Variants in DRAM1 observed in about 807,000 individuals in gnomAD.
DRAM1 encodes DNA damage regulated autophagy modulator 1.
Under a neutral mutation model 28.5 loss-of-function variants are expected in DRAM1, and 25 were observed. That is an observed-to-expected ratio of 0.88 (90% CI 0.64 to 1.23). The LOEUF (loss-of-function observed/expected upper bound fraction) is 1.23. DRAM1 is among the 50% of genes most tolerant of loss of function. The pLI, the probability that DRAM1 is intolerant of heterozygous loss-of-function variation, is 0.00. For synonymous variants in DRAM1, 113 were observed against 114.2 expected (o/e 0.99, Z 0.07); for missense variants, 249 against 299.2 (o/e 0.83, Z 1.24).
intron 1 of DRAM1, among the ~76,000 whole-genome samples, chr12:101,881,259 G>A (rs1455593055): frequency 6.6e-6 from 1 of 152,178 alleles, no homozygotes; most frequent in Non-Finnish European, 1.5e-5. Flanking sequence ...CAGTCTGGGT[G>A]ACTGAGTGAG....
At chr12:101,900,241 T>A (rs1478575268) in intron 2 of DRAM1, among the ~76,000 whole-genome samples, 3 of 152,204 alleles carry the variant, frequency 2.0e-5, no homozygotes, top group Admixed American at 6.5e-5. Context: ...CAATTGCAAT[T>A]TAATAGACAT....
chr12:101,895,103 G>A (rs1162939089), intron 1 of DRAM1, among the ~76,000 whole-genome samples: 1 of 151,384 alleles, frequency 6.6e-6, no homozygotes, highest in Non-Finnish European at 1.5e-5. Flanking sequence ...TGCTCAGAAG[G>A]GCATCCTCCA....
At chr12:101,914,412 G>A (rs6539020) in intron 5 of DRAM1, among the ~76,000 whole-genome samples, 180 bp downstream of exon 5, 10,884 of 151,946 alleles carry the variant, frequency 0.072, 471 homozygotes, top group East Asian at 0.2. Flanking sequence ...TAGCTATCAG[G>A]GTAATTCCAA....
chr12:101,921,369 A>G lies in DRAM1; in HGVS notation c.*109A>G. 1 of 800,762 alleles carries G rather than the reference A, an allele frequency of 1.2e-6. No homozygotes were observed. Among genetic ancestry groups the G allele is most frequent in the South Asian group, 1.4e-5 (1 of 69,796 alleles). The allele number at this position is 800,762 out of a possible 1,614,324, so 49.6% of individuals were successfully genotyped here. ...ACCCTGATTATTGGGATGCATCTGC[A>G]GCACATCCAGGACTTGAATTTCATT... On this transcript the variant is annotated 3_prime_UTR_variant, in exon 7 of 7. Transcript: ENST00000258534.
In DRAM1 at chr12:101,897,943, T is replaced by C; in HGVS notation, c.199+13T>C. The stretch of plus-strand genomic sequence containing the variant: ...TCTGCATTTCTTGGTAAGTACACAA[T>C]AATTATTATAAATAATTGAAAAGCT... On this transcript the variant is annotated intron_variant, in intron 2 of 6. Transcript: ENST00000258534. The C allele has an allele frequency of 6.9e-7, 1 of 1,452,356 alleles. No homozygotes were observed. The highest frequency in any genetic ancestry group is 9.6e-7 in the Non-Finnish European group (1 of 1,043,152). 90.0% of individuals were successfully genotyped at this position (1,452,356 alleles called of 1,614,324 possible).
In DRAM1 at chr12:101,883,947, AT is replaced by A. The variant is rs1374496177; in HGVS notation, c.131+6028del. Among the ~76,000 whole-genome samples the A allele has an allele frequency of 5.8e-3, 882 of 151,788 alleles. 10 individuals are homozygous for A. The highest frequency in any genetic ancestry group is 0.02 in the African/African-American group (816 of 41,270). On this transcript the variant is annotated intron_variant, in intron 1 of 6. Coordinates refer to ENST00000258534, the MANE Select transcript of DRAM1 (RefSeq NM_018370.3). The stretch of plus-strand genomic sequence containing the variant: ...AGACTCTTTCTCAAAAAAAAAAAAA[AT>A]AAATAAATACAAAATAAAAACATGG...
intron 5 of DRAM1, 59 bp from the exon 6 acceptor site, chr12:101,920,050 G>A (rs1051852203): frequency 2.5e-6 from 3 of 1,208,076 alleles, no homozygotes; most frequent in East Asian, 5.1e-5. Context: ...TTGTATTTCA[G>A]TATGTACATT....
chr12:101,884,137 A>C (rs1298427139), intron 1 of DRAM1, among the ~76,000 whole-genome samples: 2 of 152,080 alleles, frequency 1.3e-5, no homozygotes, highest in African/African-American at 2.4e-5. Flanking sequence ...CTGTAATCCC[A>C]GCACTTTGGG....
chr12:101,883,320 T>TG (rs1229437250), intron 1 of DRAM1, among the ~76,000 whole-genome samples: 1 of 149,222 alleles, frequency 6.7e-6, no homozygotes, highest in Non-Finnish European at 1.5e-5. Flanking sequence ...ATAGGTTTTT[T>TG]TTTTTTTTTT....
intron 1 of DRAM1, among the ~76,000 whole-genome samples, chr12:101,880,740 C>G (rs1872662151): frequency 6.6e-6 from 1 of 152,078 alleles, no homozygotes; most frequent in Non-Finnish European, 1.5e-5. Flanking sequence ...TAATATCACT[C>G]TAAGGTGAAC....
intron 1 of DRAM1, among the ~76,000 whole-genome samples, chr12:101,892,107 A>G (rs186279104): frequency 6.6e-6 from 1 of 152,382 alleles, no homozygotes; most frequent in East Asian, 1.9e-4. Flanking sequence ...TTACTTATGT[A>G]TGCTGTCCAA....
At chr12:101,897,764 CT>C (rs1206666562) in intron 1 of DRAM1, 98 bp from the exon 2 acceptor site, 3 of 835,184 alleles carry the variant, frequency 3.6e-6, no homozygotes, top group Non-Finnish European at 5.9e-6. Context: ...GGCTGAACAC[CT>C]AAAAGAAACA....
chr12:101,906,987 A>T (rs890370438), intron 3 of DRAM1, among the ~76,000 whole-genome samples: 3 of 152,050 alleles, frequency 2.0e-5, no homozygotes, highest in African/African-American at 7.2e-5. Flanking sequence ...CTTCTGGTTG[A>T]AATGGCTGGT....
intron 1 of DRAM1, among the ~76,000 whole-genome samples, chr12:101,893,174 T>C (rs1248269339): frequency 6.6e-6 from 1 of 152,248 alleles, no homozygotes; most frequent in Non-Finnish European, 1.5e-5. Flanking sequence ...AACAAAGGCA[T>C]AATGATGTCT....
chr12:101,904,426 GGTTTTTTTT>G lies in DRAM1; in HGVS notation c.342+2994_342+3002del, dbSNP rs1258537427. ...TGAAGCTGAGTGATAGAGCTTTAGG[GGTTTTTTTT>G]TTTTTTTTTTTTTTTTTTTTTTTTG... On this transcript the variant is annotated intron_variant, in intron 3 of 6. Coordinates refer to ENST00000258534, the MANE Select transcript of DRAM1 (RefSeq NM_018370.3). 5.5e-3 allele frequency among the ~76,000 whole-genome samples: 215 copies of G among 39,110 alleles called. 34 individuals carry two copies. The highest frequency in any genetic ancestry group is 0.021 in the African/African-American group (203 of 9,870). The allele number at this position is 39,110 out of a possible 152,430, so 25.7% of individuals were successfully genotyped here.
intron 1 of DRAM1, among the ~76,000 whole-genome samples, chr12:101,882,179 G>A (rs1433368672): frequency 6.8e-6 from 1 of 146,872 alleles, no homozygotes; most frequent in African/African-American, 2.5e-5. Context: ...CGCGATCTCG[G>A]CTCACTGCAA....
chr12:101,901,322 A>G lies in DRAM1; in HGVS notation c.231A>G (p.Ile77Met), dbSNP rs1873594455. 1 of 1,614,204 alleles carries G rather than the reference A, an allele frequency of 6.2e-7. No individual in the cohort carries two copies. Among genetic ancestry groups the G allele is most frequent in the Non-Finnish European group, 8.5e-7 (1 of 1,180,030 alleles). ...GAATMYTRYKIVQKQNQTCYF... is the reference protein window; with the variant it reads ...GAATMYTRYKMVQKQNQTCYF... ...CCACGATGTATACAAGATACAAAAT[A>G]GTACAGAAGCAAAATCAAACCTGCT... Residue 77 changes from isoleucine (I) to methionine (M), a missense_variant, in exon 3 of 7, where the codon ATA becomes ATG. Ile to Met is a conservative substitution (Grantham distance 10). Around this residue, in one of 3 missense-constraint regions of DRAM1, gnomAD observed 218 missense variants for 243.1 expected, o/e 0.90. Coordinates refer to ENST00000258534, the MANE Select transcript of DRAM1 (RefSeq NM_018370.3).
intron 6 of DRAM1, among the ~76,000 whole-genome samples, chr12:101,920,693 C>A (rs1370195259): frequency 3.3e-5 from 5 of 152,124 alleles, no homozygotes; most frequent in African/African-American, 1.2e-4. Flanking sequence ...GGGCAGATCA[C>A]CTGAGGTCAG....
At chr12:101,921,087 C>A in intron 6 of DRAM1, 129 bp from the exon 7 acceptor site, 1 of 722,046 alleles carries the variant, frequency 1.4e-6, no homozygotes, top group East Asian at 2.6e-5. Context: ...TCTTTAGGAC[C>A]TGACTCAAGC....
Sources: gnomAD v4.1 joint callset for allele counts (sites outside exome capture counted in the v4.1 genomes callset) on GRCh38, gnomAD v4.1.1 for gene constraint, gnomAD v4.1.1 regional missense constraint, MANE v1.5 for transcripts, NCBI Gene and HGNC (gene_info 2026-07-23, HGNC 2026-07-21) for gene names.